CDH6: variants seen among roughly 807,000 people sequenced by gnomAD.
The protein encoded by CDH6 is cadherin 6, also known as cadherin-6.
CDH6 carries 31 observed loss-of-function variants against 78.0 expected under a neutral mutation model. The ratio of observed to expected loss-of-function variants is 0.40; its 90% CI spans 0.30 to 0.54. The LOEUF is 0.54. Ranked by LOEUF, CDH6 falls within the 20% of genes least tolerant of loss-of-function variation. CDH6 has a pLI of 0.56. For synonymous variants in CDH6, 376 were observed against 368.8 expected, an observed-to-expected ratio of 1.02 and a Z score of -0.23; for missense variants, 724 against 975.9, an observed-to-expected ratio of 0.74 and a Z score of 3.44.
At chr5:31,284,365 A>G (rs1410983368) in intron 2 of CDH6, among the ~76,000 whole-genome samples, 3 of 152,230 alleles carry the variant, frequency 2.0e-5, no homozygotes, top group African/African-American at 7.2e-5. Flanking sequence ...CTGGATGTCA[A>G]ATAACACATA....
At chr5:31,320,285 T>C (rs563683505) in intron 11 of CDH6, among the ~76,000 whole-genome samples, 4 of 152,328 alleles carry the variant, frequency 2.6e-5, no homozygotes, top group African/African-American at 7.2e-5. Context: ...GTTTTAGCTG[T>C]AGAAGAATTA....
chr5:31,221,752 G>C (rs940337049), intron 1 of CDH6, among the ~76,000 whole-genome samples: 1 of 152,150 alleles, frequency 6.6e-6, no homozygotes, highest in African/African-American at 2.4e-5. Flanking sequence ...AAGGTACTGG[G>C]GAGAGAGTTG....
rs181976498 is a variant in CDH6, at chr5:31,326,718, A to C, written c.*3410A>C. 0.012 allele frequency: 1,747 copies of C among 142,886 alleles called. 51 individuals are homozygous for C. The highest frequency in any genetic ancestry group is 0.05 in the African/African-American group (1,673 of 33,336). 8.9% of individuals were successfully genotyped at this position (142,886 alleles called of 1,614,324 possible). ...TTTTTTTTTTTTTTTTTGAGACAGAATCTCGCTCTGTCGCCCAGGCTGGAA... is the reference window on the plus strand; with the variant it reads ...TTTTTTTTTTTTTTTTTGAGACAGACTCTCGCTCTGTCGCCCAGGCTGGAA... On this transcript the variant is annotated 3_prime_UTR_variant, in exon 12 of 12. Transcript: ENST00000265071.
Position 31,316,460 on chromosome 5 carries a change from C to T in CDH6, c.1512+131C>T. 5 of 744,082 alleles carry T rather than the reference C, an allele frequency of 6.7e-6. 1 individual carries two copies. In the South Asian group the frequency reaches 1.2e-4, roughly 18 times the overall value. 46.1% of individuals were successfully genotyped at this position (744,082 alleles called of 1,614,324 possible). On this transcript the variant is annotated intron_variant, in intron 9 of 11. Coordinates refer to ENST00000265071, the MANE Select transcript of CDH6 (RefSeq NM_004932.4). The stretch of plus-strand genomic sequence containing the variant: ...GAAGTGAATGCTACGGAAATTAATA[C>T]TATAAATAAGAACCAGGACTTACAT...
intron 1 of CDH6, among the ~76,000 whole-genome samples, chr5:31,260,439 ACTTTGT>A (rs1228009318): frequency 6.6e-6 from 1 of 152,100 alleles, no homozygotes; most frequent in Non-Finnish European, 1.5e-5. Flanking sequence ...TGGTAGAAAA[ACTTTGT>A]CTTTATGCTC....
At chr5:31,241,940 A>G (rs749484789) in intron 1 of CDH6, among the ~76,000 whole-genome samples, 1 of 152,286 alleles carries the variant, frequency 6.6e-6, no homozygotes, top group African/African-American at 2.4e-5. Flanking sequence ...CATGGCAGTA[A>G]TAAGTGTCAT....
At chr5:31,215,141 A>G (rs1225458889) in intron 1 of CDH6, among the ~76,000 whole-genome samples, 1 of 152,210 alleles carries the variant, frequency 6.6e-6, no homozygotes, top group Non-Finnish European at 1.5e-5. Flanking sequence ...TTGTTTATTG[A>G]AAACACTTAA....
At chr5:31,196,653 C>A (rs191360190) in intron 1 of CDH6, among the ~76,000 whole-genome samples, 1 of 152,256 alleles carries the variant, frequency 6.6e-6, no homozygotes, top group Non-Finnish European at 1.5e-5. Context: ...AGTTAGTATT[C>A]TCTAAGCACT....
At chr5:31,268,586 AT>A (rs554312825) in intron 2 of CDH6, among the ~76,000 whole-genome samples, 24 of 152,322 alleles carry the variant, frequency 1.6e-4, no homozygotes, top group African/African-American at 5.3e-4. Context: ...GGTAATGTTG[AT>A]TTTTTAAAAA....
At chr5:31,303,266 A>T (rs899593189) in intron 6 of CDH6, among the ~76,000 whole-genome samples, 2 of 152,216 alleles carry the variant, frequency 1.3e-5, no homozygotes, top group African/African-American at 4.8e-5. Context: ...GGGGAAAGAG[A>T]CAAGGAGCCA....
At chr5:31,290,820 C>T (rs968820555) in intron 2 of CDH6, among the ~76,000 whole-genome samples, 2 of 152,118 alleles carry the variant, frequency 1.3e-5, no homozygotes, top group African/African-American at 4.8e-5. Flanking sequence ...AGTGAAATTG[C>T]TTTACTATCA....
In CDH6 at chr5:31,267,580, G is replaced by A. The variant is rs368126816; in HGVS notation, c.107G>A (p.Arg36Lys). ...ACTAGTGGTTTCCCAGCAAAGAAAA[G>A]GGCCCTGGAGCTCTCTGGAAACAGC... Reference protein sequence around the residue: ...KRTSGFPAKKRALELSGNSKN... With the variant: ...KRTSGFPAKKKALELSGNSKN... The change falls in exon 2 of 12, where the codon AGG (arginine) becomes AAG (lysine). Residue 36 changes from arginine (R) to lysine (K), a missense_variant. By Grantham distance (26) the Arg-to-Lys change is conservative. Transcript: ENST00000265071. The A allele has an allele frequency of 3.7e-6, 6 of 1,614,098 alleles. No homozygotes were observed. The highest frequency in any genetic ancestry group is 4.2e-6 in the Non-Finnish European group (5 of 1,180,024).
At chr5:31,261,119 T>C (rs1436880278) in intron 1 of CDH6, among the ~76,000 whole-genome samples, 1 of 152,206 alleles carries the variant, frequency 6.6e-6, no homozygotes, top group African/African-American at 2.4e-5. Context: ...TAGGAAGGCA[T>C]GTTTCCCTTT....
At chr5:31,198,083 T>A (rs1003985900) in intron 1 of CDH6, among the ~76,000 whole-genome samples, 11 of 152,130 alleles carry the variant, frequency 7.2e-5, no homozygotes, top group Admixed American at 5.2e-4. Context: ...AAATTACTAC[T>A]AAATAGTTGG....
chr5:31,272,413 C>G (rs1217659626), intron 2 of CDH6, among the ~76,000 whole-genome samples: 2 of 152,096 alleles, frequency 1.3e-5, no homozygotes, highest in Non-Finnish European at 2.9e-5. Flanking sequence ...TAGAGGGAAG[C>G]CTTATAATTC....
chr5:31,233,091 G>A lies in CDH6; in HGVS notation c.-128-34255G>A, dbSNP rs115305689. ...TGAATATACAAATACACACACACGC[G>A]TACATAGACATATCTCTATAAACAC... is the stretch of plus-strand genomic sequence containing the variant. On this transcript the variant is annotated intron_variant, in intron 1 of 11. Transcript: ENST00000265071. Among the ~76,000 whole-genome samples, 842 of 151,982 alleles carry A rather than the reference G, an allele frequency of 5.5e-3. 5 individuals carry two copies. Among genetic ancestry groups the A allele is most frequent in the African/African-American group, 0.019 (799 of 41,414 alleles).
chr5:31,223,776 G>T (rs898987092), intron 1 of CDH6, among the ~76,000 whole-genome samples: 4 of 152,088 alleles, frequency 2.6e-5, no homozygotes, highest in Admixed American at 6.5e-5. Context: ...ATATTTTGAT[G>T]CACCCTTCAT....
At chr5:31,211,889 G>T (rs74475711) in intron 1 of CDH6, among the ~76,000 whole-genome samples, 4,383 of 152,184 alleles carry the variant, frequency 0.029, 91 homozygotes, top group Middle Eastern at 0.065. Context: ...GCTGTTGTTT[G>T]TTTGTTTGGC....
intron 4 of CDH6, among the ~76,000 whole-genome samples, chr5:31,298,298 C>T (rs193095213): frequency 6.6e-6 from 1 of 152,278 alleles, no homozygotes; most frequent in East Asian, 1.9e-4. Context: ...GAAATCAAAA[C>T]TTCCCTAGGT....
Sources: gnomAD v4.1 joint callset for allele counts (sites outside exome capture counted in the v4.1 genomes callset) on GRCh38, gnomAD v4.1.1 for gene constraint, MANE v1.5 for transcripts, NCBI Gene and HGNC (gene_info 2026-07-23, HGNC 2026-07-21) for gene names.